The following ARMC1 variants were observed in gnomAD, a reference collection of about 807,000 sequenced individuals.
ARMC1 encodes the protein armadillo repeat-containing protein 1.
ARMC1 carries 16 observed loss-of-function variants against 31.4 expected under a neutral mutation model. The ratio of observed to expected loss-of-function variants is 0.51; its 90% confidence interval spans 0.34 to 0.77. ARMC1 has a LOEUF of 0.77. Among genes scored for constraint, ARMC1 ranks in the 30% least tolerant of loss-of-function variants. The probability of loss-of-function intolerance (pLI) is 0.01; values close to 1 mark genes in which losing one functional copy is unlikely to be tolerated. For synonymous variants in ARMC1, 114 were observed against 118.9 expected, an observed-to-expected ratio of 0.96 and a Z score of 0.27; for missense variants, 259 against 347.5, an observed-to-expected ratio of 0.75 and a Z score of 2.02.
intron 3 of ARMC1, 113 bp downstream of exon 3, chr8:65,622,150 A>G (rs1489679795): frequency 1.0e-5 from 8 of 767,000 alleles, no homozygotes; most frequent in Non-Finnish European, 1.7e-5. Context: ...AGCACTTTGG[A>G]AAGCCAAGGT....
intron 4 of ARMC1, among the ~76,000 whole-genome samples, 187 bp from the exon 5 acceptor site, chr8:65,605,725 T>C (rs1319132485): frequency 1.3e-5 from 2 of 152,318 alleles, no homozygotes; most frequent in South Asian, 2.1e-4. Context: ...ATCAACAGAA[T>C]AGTAATTCCT....
intron 4 of ARMC1, among the ~76,000 whole-genome samples, chr8:65,607,585 G>C (rs1051492992): frequency 2.0e-5 from 3 of 152,128 alleles, no homozygotes; most frequent in Non-Finnish European, 4.4e-5. Context: ...AGAGCAAAAA[G>C]TTTTGCTTTT....
chr8:65,633,060 G>C (rs1171624221), intron 1 of ARMC1: 4 of 152,192 alleles, frequency 2.6e-5, no homozygotes, highest in Admixed American at 6.5e-5. Flanking sequence ...TTTCCAACAA[G>C]CTTCCAGGTG....
At chr8:65,622,222 G>A (rs1808408116) in intron 3 of ARMC1, 41 bp downstream of exon 3, 1 of 1,484,362 alleles carries the variant, frequency 6.7e-7, no homozygotes, top group East Asian at 2.3e-5. Context: ...AGTAATATAA[G>A]TAAGTATATA....
At chr8:65,616,185 G>T (rs1047530002) in intron 3 of ARMC1, among the ~76,000 whole-genome samples, 3 of 152,214 alleles carry the variant, frequency 2.0e-5, no homozygotes, top group African/African-American at 7.2e-5. Flanking sequence ...GATGCCGAGC[G>T]GAAGCTGGAC....
At chr8:65,623,459 A>T (rs1808441082) in intron 2 of ARMC1, among the ~76,000 whole-genome samples, 1 of 151,110 alleles carries the variant, frequency 6.6e-6, no homozygotes. Flanking sequence ...AAATACAAAA[A>T]TTAGCCGGGC....
At chr8:65,623,307 C>CAAGAAAAAA (rs1808435808) in intron 2 of ARMC1, among the ~76,000 whole-genome samples, 1 of 38,338 alleles carries the variant, frequency 2.6e-5, no homozygotes, top group Non-Finnish European at 4.2e-5. Flanking sequence ...GACTCCGTCT[C>CAAGAAAAAA]AAAAAAAAAA....
At position 65,613,296 on chromosome 8, in the gene ARMC1, G is replaced by T; in HGVS notation, c.413C>A (p.Thr138Lys). The T allele has an allele frequency of 6.2e-7, 1 of 1,611,860 alleles. No individual in the cohort carries two copies. The highest frequency in any genetic ancestry group is 8.5e-7 in the Non-Finnish European group (1 of 1,179,266). The change falls in exon 4 of 7, where the codon ACA (threonine) becomes AAA (lysine). Residue 138 changes from threonine to lysine, a missense_variant. Transcript: ENST00000276569. Reference protein sequence around the residue: ...RRKAQFFLGTTNKRAKTVVLH... With the variant: ...RRKAQFFLGTKNKRAKTVVLH... ...AACCACTGTTTTGGCACGTTTGTTTGTAGTTCCCAGAAAAAATTGAGCTTT... is the reference window on the plus strand; with the variant it reads ...AACCACTGTTTTGGCACGTTTGTTTTTAGTTCCCAGAAAAAATTGAGCTTT...
chr8:65,623,524 G>A (rs568719877), intron 2 of ARMC1, among the ~76,000 whole-genome samples: 5 of 150,868 alleles, frequency 3.3e-5, no homozygotes, highest in South Asian at 2.1e-4. Context: ...CAGGAGAATC[G>A]CTTGAACCCA....
chr8:65,620,893 A>T (rs1808381071), intron 3 of ARMC1, among the ~76,000 whole-genome samples: 2 of 151,954 alleles, frequency 1.3e-5, no homozygotes, highest in African/African-American at 4.8e-5. Context: ...GCTTGATCCC[A>T]GGACAGCAGC....
chr8:65,604,879 A>G (rs533077855), intron 6 of ARMC1, among the ~76,000 whole-genome samples: 2 of 152,344 alleles, frequency 1.3e-5, no homozygotes, highest in East Asian at 3.9e-4. Flanking sequence ...ATGGGAACCC[A>G]AATGAGCTCA....
chr8:65,623,149 A>T (rs1442507046), intron 2 of ARMC1, among the ~76,000 whole-genome samples: 1 of 150,942 alleles, frequency 6.6e-6, no homozygotes, highest in Non-Finnish European at 1.5e-5. Flanking sequence ...CTCTACTAAA[A>T]ATACAAAAAT....
chr8:65,614,977 AGAG>A (rs1441634653), intron 3 of ARMC1, among the ~76,000 whole-genome samples: 2 of 152,200 alleles, frequency 1.3e-5, no homozygotes, highest in Non-Finnish European at 2.9e-5. Flanking sequence ...GAACTCTTTA[AGAG>A]GAGGAAGGTA....
chr8:65,624,812 G>C (rs1404930682), intron 2 of ARMC1, among the ~76,000 whole-genome samples: 1 of 151,744 alleles, frequency 6.6e-6, no homozygotes, highest in Admixed American at 6.6e-5. Context: ...GACGAAAAAA[G>C]GAAATCATAA....
intron 4 of ARMC1, among the ~76,000 whole-genome samples, chr8:65,608,112 GCAAATTAT>G (rs1163588505): frequency 1.3e-5 from 2 of 151,950 alleles, no homozygotes; most frequent in African/African-American, 4.8e-5. Flanking sequence ...TATATCAATA[GCAAATTAT>G]CAAATTATTG....
At chr8:65,613,897 T>G (rs1234762737) in intron 3 of ARMC1, among the ~76,000 whole-genome samples, 1 of 151,674 alleles carries the variant, frequency 6.6e-6, no homozygotes, top group African/African-American at 2.4e-5. Context: ...GAGGCAGAAG[T>G]TGCAGCAAGC....
intron 3 of ARMC1, among the ~76,000 whole-genome samples, chr8:65,615,426 C>T (rs914071479): frequency 6.8e-6 from 1 of 147,452 alleles, no homozygotes; most frequent in Admixed American, 6.8e-5. Context: ...AAAACAGGGC[C>T]GGGTACAGTG....
At chr8:65,620,891 C>T (rs1275848438) in intron 3 of ARMC1, among the ~76,000 whole-genome samples, 2 of 151,688 alleles carry the variant, frequency 1.3e-5, no homozygotes, top group Admixed American at 1.3e-4. Flanking sequence ...TTGCTTGATC[C>T]CAGGACAGCA....
intron 2 of ARMC1, among the ~76,000 whole-genome samples, chr8:65,623,081 G>A (rs2357475): frequency 0.43 from 64,441 of 149,622 alleles, 15,276 homozygotes; most frequent in Non-Finnish European, 0.54. Flanking sequence ...AGGCCAAGGC[G>A]GGTGGGTCAC....
Sources: gnomAD v4.1 joint callset for allele counts (sites outside exome capture counted in the v4.1 genomes callset) on GRCh38, gnomAD v4.1.1 for gene constraint, MANE v1.5 for transcripts, NCBI Gene and HGNC (gene_info 2026-07-23, HGNC 2026-07-21) for gene names.